The following TPRG1 variants were observed in gnomAD, a reference collection of about 807,000 sequenced individuals.
The protein encoded by TPRG1 is tumor protein p63-regulated gene 1 protein.
A neutral mutation model predicts 29.3 loss-of-function variants in TPRG1; 29 were observed. That is an observed-to-expected ratio of 0.99 (90% CI 0.74 to 1.35). TPRG1 has a LOEUF of 1.35. TPRG1 is among the 40% of genes most tolerant of loss of function. TPRG1 has a pLI of 0.00. For missense variants in TPRG1, 327 were observed against 335.0 expected, an observed-to-expected ratio of 0.98 and a Z score of 0.19; for synonymous variants, 130 against 116.8, an observed-to-expected ratio of 1.11 and a Z score of -0.73.
chr3:189,307,765 A>G (rs145597230), intron 4 of TPRG1, among the ~76,000 whole-genome samples: 4 of 152,300 alleles, frequency 2.6e-5, no homozygotes, highest in African/African-American at 9.6e-5. Context: ...GAAAGGAAGC[A>G]CTGGGCTATA....
chr3:189,294,588 G>A (rs556082752), intron 4 of TPRG1, among the ~76,000 whole-genome samples: 1 of 152,286 alleles, frequency 6.6e-6, no homozygotes, highest in East Asian at 1.9e-4. Context: ...GGTAAGTGGG[G>A]TGTGTATCGC....
intron 1 of TPRG1, among the ~76,000 whole-genome samples, chr3:189,206,828 T>C (rs1326603800): frequency 6.6e-6 from 1 of 151,782 alleles, no homozygotes; most frequent in East Asian, 1.9e-4. Context: ...TGTGTGTGTG[T>C]GCACGCGTGT....
chr3:189,093,279 T>C (rs1718459840), intron 4 of TPRG1, among the ~76,000 whole-genome samples: 1 of 152,162 alleles, frequency 6.6e-6, no homozygotes, highest in Non-Finnish European at 1.5e-5. Context: ...GCATTTTGCT[T>C]GGGTTTATGT....
chr3:189,078,049 TTC>T (rs1560430542), intron 4 of TPRG1, among the ~76,000 whole-genome samples: 8 of 145,816 alleles, frequency 5.5e-5, no homozygotes, highest in African/African-American at 2.2e-4. Context: ...CCTTCCTTCC[TTC>T]CTTCCTTCCT....
At chr3:189,231,609 A>G (rs1221852368) in intron 3 of TPRG1, among the ~76,000 whole-genome samples, 2 of 152,156 alleles carry the variant, frequency 1.3e-5, no homozygotes, top group African/African-American at 2.4e-5. Flanking sequence ...GGAATACACT[A>G]TTATTATCTT....
rs564713787 is a variant in TPRG1, at chr3:189,090,193, C to T, written c.-462-36864C>T. Among the ~76,000 whole-genome samples, 51 of 152,104 alleles carry T rather than the reference C, an allele frequency of 3.4e-4. 1 individual carries two copies. The highest frequency in any genetic ancestry group is 2.5e-3 in the South Asian group (12 of 4,832). On this transcript the variant is annotated intron_variant, in intron 4 of 10. Transcript: ENST00000433971. ...CAAAGCTACATCCCCCAAATTTTGA[C>T]GCATAGTATTCTTATTGTCATTTAT...
At chr3:189,186,945 A>G (rs1301865624) in intron 1 of TPRG1, among the ~76,000 whole-genome samples, 2 of 147,006 alleles carry the variant, frequency 1.4e-5, no homozygotes, top group Non-Finnish European at 3.0e-5. Context: ...AAATCCTATC[A>G]TATTTTCTAG....
intron 1 of TPRG1, among the ~76,000 whole-genome samples, chr3:189,182,368 A>G (rs1300326219): frequency 6.6e-6 from 1 of 152,188 alleles, no homozygotes; most frequent in Non-Finnish European, 1.5e-5. Flanking sequence ...GCATACCCCA[A>G]CTTTCCAAGC....
intron 3 of TPRG1, among the ~76,000 whole-genome samples, chr3:189,146,629 C>T (rs1448764683): frequency 6.6e-6 from 1 of 152,170 alleles, no homozygotes; most frequent in African/African-American, 2.4e-5. Context: ...GATGCATCTC[C>T]TCAACACACT....
chr3:189,116,287 C>T (rs868516221), intron 1 of TPRG1, among the ~76,000 whole-genome samples: 18 of 151,958 alleles, frequency 1.2e-4, no homozygotes, highest in Non-Finnish European at 4.4e-5. Context: ...AAGCAATTCT[C>T]TGCCTCAGCC....
intron 4 of TPRG1, among the ~76,000 whole-genome samples, chr3:189,077,788 C>T (rs181801577): frequency 1.3e-5 from 2 of 152,246 alleles, no homozygotes; most frequent in East Asian, 1.9e-4. Flanking sequence ...CAATGAGTTC[C>T]TTTCTTACCA....
intron 4 of TPRG1, among the ~76,000 whole-genome samples, chr3:189,094,900 C>CCCAT (rs1718573941): frequency 6.6e-6 from 1 of 152,160 alleles, no homozygotes; most frequent in East Asian, 1.9e-4. Flanking sequence ...AGGGAGCAGG[C>CCCAT]CCATCCATCC....
chr3:189,259,422 G>A (rs867223657), intron 4 of TPRG1, among the ~76,000 whole-genome samples: 42 of 121,388 alleles, frequency 3.5e-4, no homozygotes, highest in African/African-American at 1.4e-3. Flanking sequence ...GGAGCTGCAG[G>A]CTGGAGCTAT....
intron 4 of TPRG1, among the ~76,000 whole-genome samples, chr3:189,075,129 T>C (rs1047668531): frequency 6.6e-6 from 1 of 150,686 alleles, no homozygotes; most frequent in Non-Finnish European, 1.5e-5. Flanking sequence ...ATTTTTAAAT[T>C]TTATTATTTT....
At chr3:189,204,291 A>C (rs914993839) in intron 1 of TPRG1, among the ~76,000 whole-genome samples, 3 of 152,146 alleles carry the variant, frequency 2.0e-5, no homozygotes, top group African/African-American at 7.2e-5. Flanking sequence ...TACCTTTAGC[A>C]TTTCACGGAA....
chr3:189,316,974 C>T lies in TPRG1; in HGVS notation c.634-3652C>T, dbSNP rs745357969. On this transcript the variant is annotated intron_variant, in intron 5 of 5. Coordinates refer to ENST00000345063, the MANE Select transcript of TPRG1 (RefSeq NM_198485.4). ...CTGCTTGTCTCTCTGTAACCATGCCCTCCCCTGGCTTTGAAGGGGCTCCTA... is the reference window on the plus strand; with the variant it reads ...CTGCTTGTCTCTCTGTAACCATGCCTTCCCCTGGCTTTGAAGGGGCTCCTA... Among the ~76,000 whole-genome samples, 11 of 152,146 alleles carry T rather than the reference C, an allele frequency of 7.2e-5. 1 individual carries two copies. The highest frequency in any genetic ancestry group is 1.3e-4 in the Non-Finnish European group (9 of 68,036).
rs534370272 is a variant in TPRG1, at chr3:189,163,268, C to T, written c.-10+12396C>T. 1.9e-3 allele frequency among the ~76,000 whole-genome samples: 292 copies of T among 152,144 alleles called. 1 individual carries two copies. Among genetic ancestry groups the T allele is most frequent in the Non-Finnish European group, 3.5e-3 (239 of 67,988 alleles). Reference sequence around the variant, plus strand: ...AGCCTGGGCGACAAGAGAGAAACTCCGTCTCAAAAAACGAAGCAAAACAAA... The same window carrying T: ...AGCCTGGGCGACAAGAGAGAAACTCTGTCTCAAAAAACGAAGCAAAACAAA... On this transcript the variant is annotated intron_variant, in intron 5 of 6. Transcript: ENST00000412373.
At chr3:189,055,740 C>T (rs1221061709) in intron 4 of TPRG1, among the ~76,000 whole-genome samples, 2 of 152,080 alleles carry the variant, frequency 1.3e-5, no homozygotes, top group African/African-American at 4.8e-5. Flanking sequence ...CCAAAGCTAG[C>T]GTTCATGAAA....
chr3:189,171,590 T>C (rs1206033943), upstream of TPRG1, among the ~76,000 whole-genome samples: 1 of 152,242 alleles, frequency 6.6e-6, no homozygotes, highest in Non-Finnish European at 1.5e-5. Flanking sequence ...TCTACATGTC[T>C]TCTACATTTT....
Sources: allele counts gnomAD v4.1 joint callset (sites outside exome capture counted in the v4.1 genomes callset), GRCh38; gene constraint gnomAD v4.1.1; transcripts MANE v1.5; gene names NCBI Gene and HGNC (gene_info 2026-07-23, HGNC 2026-07-21).